The following TNFSF4 variants were observed in gnomAD, a reference collection of about 807,000 sequenced individuals.
The protein encoded by TNFSF4 is tumor necrosis factor ligand superfamily member 4.
TNFSF4 carries 4 observed loss-of-function variants against 7.3 expected under a neutral mutation model. That is an observed-to-expected ratio of 0.55 (90% CI 0.27 to 1.25). The LOEUF (loss-of-function observed/expected upper bound fraction) is 1.25, where lower values mean the gene tolerates loss of function less well. Among genes scored for constraint, TNFSF4 ranks in the 50% most tolerant of loss-of-function variants. The pLI, the probability that TNFSF4 is intolerant of heterozygous loss-of-function variation, is 0.12. For synonymous variants in TNFSF4, 76 were observed against 83.7 expected, an observed-to-expected ratio of 0.91 and a Z score of 0.50; for missense variants, 181 against 208.8, an observed-to-expected ratio of 0.87 and a Z score of 0.82.
chr1:173,427,458 T>C, the TNFSF4 span, among the ~76,000 whole-genome samples: 2 of 151,220 alleles, frequency 1.3e-5, no homozygotes, highest in African/African-American at 4.9e-5. Flanking sequence ...GGTACAAAAC[T>C]TCAATAGTGA....
At chr1:173,221,827 G>T in the TNFSF4 span, among the ~76,000 whole-genome samples, 11 of 152,300 alleles carry the variant, frequency 7.2e-5, no homozygotes, top group South Asian at 1.9e-3. Context: ...TTACACAGTA[G>T]CATAGAGGTT....
chr1:173,317,240 T>C, the TNFSF4 span, among the ~76,000 whole-genome samples: 1 of 152,326 alleles, frequency 6.6e-6, no homozygotes, highest in Non-Finnish European at 1.5e-5. Context: ...GACTGTCCCA[T>C]CCACCAGCTG....
At chr1:173,431,489 C>T in the TNFSF4 span, among the ~76,000 whole-genome samples, 1 of 152,226 alleles carries the variant, frequency 6.6e-6, no homozygotes, top group Non-Finnish European at 1.5e-5. Context: ...AGAAAGAAGC[C>T]ACCTCCGTGA....
the TNFSF4 span, among the ~76,000 whole-genome samples, chr1:173,417,128 C>A: frequency 4.6e-5 from 7 of 152,118 alleles, no homozygotes; most frequent in African/African-American, 1.7e-4. Context: ...GCTCCTATAG[C>A]CAAATATTTT....
chr1:173,239,421 T>TTC, the TNFSF4 span, among the ~76,000 whole-genome samples: 1 of 152,202 alleles, frequency 6.6e-6, no homozygotes, highest in Admixed American at 6.5e-5. Flanking sequence ...ATCTTAATTC[T>TTC]TCTCTCAACT....
chr1:173,353,574 C>T, the TNFSF4 span, among the ~76,000 whole-genome samples: 1 of 152,036 alleles, frequency 6.6e-6, no homozygotes. Flanking sequence ...CTGATGTGTC[C>T]AGAATTTCAT....
rs1042295003 is a variant in TNFSF4, at chr1:173,184,968, A to C, written c.*1548T>G. On this transcript the variant is annotated 3_prime_UTR_variant, in exon 3 of 3. Transcript: ENST00000281834. ...ACCTTCCTTCATAACAGATTAAAAT[A>C]GAGGGATGGGAATATAGTTGAAGGT... 6.6e-6 allele frequency: 1 copy of C among 152,220 alleles called. No individual in the cohort carries two copies. The allele number at this position is 152,220 out of a possible 1,614,324, so 9.4% of individuals were successfully genotyped here. A position where few individuals can be genotyped will look rare whatever the true frequency, so the allele number is the denominator to read the frequency against.
the TNFSF4 span, chr1:173,417,882 A>G: frequency 9.9e-5 from 15 of 151,594 alleles, no homozygotes; most frequent in Admixed American, 8.5e-4. Flanking sequence ...AATTATTTCA[A>G]TGAGGTGTAT....
the TNFSF4 span, chr1:173,351,876 A>T: frequency 4.9e-5 from 29 of 596,178 alleles, no homozygotes; most frequent in South Asian, 5.1e-4. Context: ...CATTCACCCC[A>T]GCAAGGCGGT....
the TNFSF4 span, among the ~76,000 whole-genome samples, chr1:173,379,948 C>G: frequency 6.6e-6 from 1 of 152,198 alleles, no homozygotes; most frequent in African/African-American, 2.4e-5. Flanking sequence ...CCAGATGATC[C>G]AACAACAGGA....
chr1:173,352,073 G>A, the TNFSF4 span: 4 of 303,436 alleles, frequency 1.3e-5, no homozygotes, highest in Admixed American at 1.9e-4. Context: ...TATACTCATG[G>A]TGGCCATTGA....
At chr1:173,260,086 A>G in the TNFSF4 span, among the ~76,000 whole-genome samples, 2 of 152,186 alleles carry the variant, frequency 1.3e-5, no homozygotes, top group Non-Finnish European at 2.9e-5. Context: ...AAGGGCAGCC[A>G]GAGAGAAAGG....
At chr1:173,354,754 A>C in the TNFSF4 span, among the ~76,000 whole-genome samples, 30 of 152,358 alleles carry the variant, frequency 2.0e-4, no homozygotes, top group South Asian at 5.6e-3. Flanking sequence ...TTGGAAAAAT[A>C]GAAATTAAAA....
intron 1 of TNFSF4, among the ~76,000 whole-genome samples, chr1:173,206,205 T>C (rs1650181923): frequency 6.6e-6 from 1 of 152,136 alleles, no homozygotes; most frequent in Non-Finnish European, 1.5e-5. Flanking sequence ...GAGTATAGAT[T>C]TATTTTTCTC....
chr1:173,437,756 C>T, the TNFSF4 span, among the ~76,000 whole-genome samples: 28,309 of 152,096 alleles, frequency 0.19, 2,715 homozygotes, highest in East Asian at 0.31. Flanking sequence ...TATATACAGT[C>T]CATCACTCTT....
chr1:173,227,236 A>C, the TNFSF4 span, among the ~76,000 whole-genome samples: 1 of 152,112 alleles, frequency 6.6e-6, no homozygotes, highest in Non-Finnish European at 1.5e-5. Context: ...CTGAATTTAG[A>C]TATTTTAGCT....
the TNFSF4 span, among the ~76,000 whole-genome samples, chr1:173,396,618 G>A: frequency 1.1e-3 from 167 of 152,320 alleles, no homozygotes; most frequent in African/African-American, 3.8e-3. Context: ...TAAATGTTGA[G>A]CTCAAGGAAT....
the TNFSF4 span, among the ~76,000 whole-genome samples, chr1:173,439,579 A>T: frequency 1.3e-5 from 2 of 152,336 alleles, no homozygotes; most frequent in South Asian, 4.1e-4. Flanking sequence ...TATCCCTCAC[A>T]GAAGTCAGGA....
rs749130265 is a variant in TNFSF4 at position 173,186,820 on chromosome 1, T to A, written c.248A>T (p.Asp83Val). Reference protein sequence around the residue: ...KGFILTSQKEDEIMKVQNNSV... With the variant: ...KGFILTSQKEVEIMKVQNNSV... ...GTTGTTCTGCACCTTCATGATTTCATCCTCCTTTTGGGAAGTGAGGATGAA... is the reference window on the plus strand; with the variant it reads ...GTTGTTCTGCACCTTCATGATTTCAACCTCCTTTTGGGAAGTGAGGATGAA... The change falls in exon 3 of 3, where the codon GAT becomes GTT. Residue 83 changes from aspartate to valine, a missense_variant. Asp to Val is a radical substitution (Grantham distance 152, BLOSUM62 -3). Transcript: ENST00000281834. 1.2e-6 allele frequency: 2 copies of A among 1,611,392 alleles called. No homozygotes were observed. Among genetic ancestry groups the A allele is most frequent in the Non-Finnish European group, 1.7e-6 (2 of 1,178,606 alleles).
Sources: gnomAD v4.1 joint callset for allele counts (sites outside exome capture counted in the v4.1 genomes callset) on GRCh38, gnomAD v4.1.1 for gene constraint, MANE v1.5 for transcripts, NCBI Gene and HGNC (gene_info 2026-07-23, HGNC 2026-07-21) for gene names.